EMC3: variants seen among roughly 807,000 people sequenced by gnomAD.
EMC3 encodes 30 kDa protein.
A neutral mutation model predicts 36.6 loss-of-function variants in EMC3; 13 were observed. The observed-to-expected ratio is 0.35, with a 90% CI of 0.23 to 0.56. EMC3 has a LOEUF of 0.56. EMC3 is among the 20% of genes least tolerant of loss of function. The pLI, the probability that EMC3 is intolerant of heterozygous loss-of-function variation, is 0.84. For synonymous variants in EMC3, 120 were observed against 111.9 expected, an observed-to-expected ratio of 1.07 and a Z score of -0.46; for missense variants, 220 against 324.5, an observed-to-expected ratio of 0.68 and a Z score of 2.47.
chr3:10,002,692 G>C (rs2086218564), intron 1 of EMC3: 507 of 247,254 alleles, frequency 2.1e-3, no homozygotes, highest in South Asian at 4.0e-3. Flanking sequence ...ACAAGCCCCT[G>C]AGCATCACCC....
At chr3:10,004,409 T>C (rs969458017) in intron 1 of EMC3, 1 of 151,900 alleles carries the variant, frequency 6.6e-6, no homozygotes, top group African/African-American at 2.4e-5. Context: ...CAAAGAAAAA[T>C]TATTCAGTTA....
At chr3:9,972,308 C>T (rs959512305) in intron 5 of EMC3, among the ~76,000 whole-genome samples, 1 of 152,030 alleles carries the variant, frequency 6.6e-6, no homozygotes, top group African/African-American at 2.4e-5. Context: ...GAATTCCTGG[C>T]TTAAACTTGT....
chr3:10,008,479 A>G (rs1368710848), intron 1 of EMC3: 2 of 1,367,554 alleles, frequency 1.5e-6, no homozygotes, highest in Non-Finnish European at 2.0e-6. Flanking sequence ...TATGGCAGAC[A>G]TTCTTCTCCT....
At chr3:9,974,780 G>C (rs930801414) in intron 3 of EMC3, among the ~76,000 whole-genome samples, 1 of 150,752 alleles carries the variant, frequency 6.6e-6, no homozygotes, top group African/African-American at 2.4e-5. Context: ...GGATGGTCTT[G>C]ATCTCCTGAA....
At chr3:9,973,280 C>T (rs1008682703) in intron 5 of EMC3, among the ~76,000 whole-genome samples, 83 of 151,540 alleles carry the variant, frequency 5.5e-4, no homozygotes, top group African/African-American at 1.9e-3. Context: ...CTGCAAGCTC[C>T]GCCTCCTGGG....
At chr3:9,990,807 C>T (rs538479177), upstream of EMC3, among the ~76,000 whole-genome samples, 2 of 151,290 alleles carry the variant, frequency 1.3e-5, no homozygotes, top group Non-Finnish European at 2.9e-5. Flanking sequence ...GCCACCACGC[C>T]TGGCCAATTC....
At chr3:9,984,106 G>A (rs1435298774) in intron 1 of EMC3, among the ~76,000 whole-genome samples, 1 of 150,054 alleles carries the variant, frequency 6.7e-6, no homozygotes, top group Non-Finnish European at 1.5e-5. Flanking sequence ...TAAATGAGAT[G>A]GAGTCTCGCT....
rs367964834 is a variant in EMC3 at position 9,973,713 on chromosome 3, C to A, written c.413-4G>T. ...GTCAGTGGAAATGGGACCTTGGCTG[C>A]AGAGAAGAAAAAGTTCACAATCACT... On this transcript the variant is annotated splice_polypyrimidine_tract_variant and splice_region_variant and intron_variant, in intron 4 of 7. Coordinates refer to ENST00000245046, the MANE Select transcript of EMC3 (RefSeq NM_001394674.1). 2.9e-5 allele frequency: 47 copies of A among 1,613,554 alleles called. No homozygotes were observed. The highest frequency in any genetic ancestry group is 8.3e-5 in the Admixed American group (5 of 59,984).
upstream of EMC3, among the ~76,000 whole-genome samples, chr3:9,991,803 A>C (rs1479503286): frequency 6.6e-6 from 1 of 152,166 alleles, no homozygotes; most frequent in East Asian, 1.9e-4. Flanking sequence ...GGTTTCATGG[A>C]AGACAGTTTT....
At chr3:9,998,400 A>G (rs1254657837) in intron 1 of EMC3, among the ~76,000 whole-genome samples, 3 of 146,186 alleles carry the variant, frequency 2.1e-5, no homozygotes, top group African/African-American at 7.6e-5. Context: ...TAATAATAAT[A>G]ATAATAATTT....
At chr3:9,966,161 C>A (rs569482760) in intron 7 of EMC3, among the ~76,000 whole-genome samples, 3 of 151,616 alleles carry the variant, frequency 2.0e-5, no homozygotes, top group African/African-American at 7.3e-5. Context: ...CTTACCGACA[C>A]TTGTTATTGT....
chr3:9,975,766 C>T (rs1259657138), intron 3 of EMC3, among the ~76,000 whole-genome samples: 2 of 145,084 alleles, frequency 1.4e-5, no homozygotes, highest in Admixed American at 7.0e-5. Context: ...GAGCCGAGAT[C>T]GCACCACTGC....
At chr3:9,997,023 T>C (rs1472655390) in intron 1 of EMC3, among the ~76,000 whole-genome samples, 1 of 152,122 alleles carries the variant, frequency 6.6e-6, no homozygotes, top group Admixed American at 6.6e-5. Flanking sequence ...ATTACCACTA[T>C]CCATTTCTAG....
At chr3:10,000,706 G>A (rs988835467) in intron 1 of EMC3, 7 of 470,780 alleles carry the variant, frequency 1.5e-5, no homozygotes, top group East Asian at 5.7e-5. Flanking sequence ...TCTTAATGCC[G>A]GCAAAGATCA....
chr3:10,004,056 C>G (rs541369641), intron 1 of EMC3: 1 of 152,322 alleles, frequency 6.6e-6, no homozygotes, highest in East Asian at 1.9e-4. Context: ...AATGTGCCAC[C>G]ATGGATATTC....
intron 3 of EMC3, among the ~76,000 whole-genome samples, chr3:9,975,506 TAAA>T (rs34914002): frequency 3.7e-5 from 5 of 135,004 alleles, no homozygotes; most frequent in Admixed American, 1.5e-4. Flanking sequence ...CTTACTGGGC[TAAA>T]AAAAAAAAAA....
Position 9,964,002 on chromosome 3 carries a change from C to G in EMC3, c.*67G>C, listed in dbSNP as rs2085713213. On this transcript the variant is annotated 3_prime_UTR_variant, in exon 8 of 8. Transcript: ENST00000245046. ...TCCTTTTTATTTCAAGAGGTGCCAGCTCCAAACAAAGTTACAAGGTTAAGT... is the reference window on the plus strand; with the variant it reads ...TCCTTTTTATTTCAAGAGGTGCCAGGTCCAAACAAAGTTACAAGGTTAAGT... The G allele has an allele frequency of 6.3e-7, 1 of 1,588,636 alleles. No individual in the cohort carries two copies. The highest frequency in any genetic ancestry group is 1.3e-5 in the African/African-American group (1 of 74,212).
chr3:9,990,507 T>C (rs1437642109), upstream of EMC3, among the ~76,000 whole-genome samples: 1 of 150,292 alleles, frequency 6.7e-6, no homozygotes, highest in Non-Finnish European at 1.5e-5. Flanking sequence ...GCTAATTCTG[T>C]TAGTTAGTTA....
intron 5 of EMC3, 149 bp downstream of exon 5, chr3:9,973,479 C>T (rs1348453832): frequency 4.6e-6 from 3 of 656,602 alleles, no homozygotes; most frequent in Non-Finnish European, 8.0e-6. Flanking sequence ...CAGTCGTGAG[C>T]CACTGCGCCC....
Sources: gnomAD v4.1 joint callset for allele counts (sites outside exome capture counted in the v4.1 genomes callset) on GRCh38, gnomAD v4.1.1 for gene constraint, MANE v1.5 for transcripts, NCBI Gene and HGNC (gene_info 2026-07-23, HGNC 2026-07-21) for gene names.